Variants in LRRC49 observed in about 807,000 individuals in gnomAD.
LRRC49 encodes leucine rich repeat containing 49.
Under a neutral mutation model 83.3 loss-of-function variants are expected in LRRC49, and 50 were observed. That is an observed-to-expected ratio of 0.60 (90% CI 0.48 to 0.76). The LOEUF (loss-of-function observed/expected upper bound fraction) is 0.76. Among genes scored for constraint, LRRC49 ranks in the 30% least tolerant of loss-of-function variants. The probability of loss-of-function intolerance (pLI) is 0.00; values close to 1 mark genes in which losing one functional copy is unlikely to be tolerated. For missense variants in LRRC49, 704 were observed against 809.1 expected (o/e 0.87, Z 1.58); for synonymous variants, 286 against 283.3 (o/e 1.01, Z -0.10).
chr15:70,870,753 G>A (rs2033009367), intron 1 of LRRC49, among the ~76,000 whole-genome samples: 1 of 152,164 alleles, frequency 6.6e-6, no homozygotes, highest in Non-Finnish European at 1.5e-5. Flanking sequence ...GCCGCCCAAA[G>A]TGTTGGGATT....
chr15:70,960,683 AAAGG>A (rs1386809065), intron 8 of LRRC49, among the ~76,000 whole-genome samples: 1 of 152,210 alleles, frequency 6.6e-6, no homozygotes, highest in African/African-American at 2.4e-5. Context: ...TTCAATAGAG[AAAGG>A]ATAGTCTTTT....
At chr15:70,901,366 C>T (rs2034071590) in intron 4 of LRRC49, among the ~76,000 whole-genome samples, 1 of 152,126 alleles carries the variant, frequency 6.6e-6, no homozygotes, top group African/African-American at 2.4e-5. Context: ...TTTCCTGTTA[C>T]TTCACTGGCT....
chr15:70,882,743 T>A (rs1220837898), intron 2 of LRRC49: 21 of 1,613,962 alleles, frequency 1.3e-5, no homozygotes, highest in Non-Finnish European at 1.8e-5. Context: ...CTTAATCCAT[T>A]GAAGAGTCAA....
In LRRC49 at chr15:70,937,886, AG is replaced by A. The variant is rs529473418; in HGVS notation, c.773+1066del. 1.3e-4 allele frequency among the ~76,000 whole-genome samples: 20 copies of A among 152,254 alleles called. No individual in the cohort carries two copies. The South Asian group carries it at 4.2e-3, about 32-fold the overall frequency. On this transcript the variant is annotated intron_variant, in intron 8 of 15. Coordinates refer to ENST00000260382, the MANE Select transcript of LRRC49 (RefSeq NM_017691.5). ...TAGTATATTTTGAATGCAACATTCCAGGTGCCATTATTCTATCTTGTTGGGG... is the reference window on the plus strand; with the variant it reads ...TAGTATATTTTGAATGCAACATTCCAGTGCCATTATTCTATCTTGTTGGGG...
intron 8 of LRRC49, among the ~76,000 whole-genome samples, chr15:70,957,148 G>A (rs2036431954): frequency 6.6e-6 from 1 of 152,066 alleles, no homozygotes; most frequent in Non-Finnish European, 1.5e-5. Context: ...AATTCCATTG[G>A]CAATTATTAG....
intron 15 of LRRC49, among the ~76,000 whole-genome samples, chr15:71,038,378 C>G (rs1381171542): frequency 6.6e-6 from 1 of 152,030 alleles, no homozygotes; most frequent in African/African-American, 2.4e-5. Flanking sequence ...TAGCTGAAAA[C>G]CCAGTGTATC....
At chr15:70,891,565 CTCTGTGTGTGTG>C (rs1482397894), upstream of LRRC49, among the ~76,000 whole-genome samples, 36 of 119,068 alleles carry the variant, frequency 3.0e-4, no homozygotes, top group African/African-American at 8.6e-4. Context: ...CAGGACAAGA[CTCTGTGTGTGTG>C]TGTGTGTGTG....
At chr15:70,988,883 C>G (rs1370593599) in intron 11 of LRRC49, among the ~76,000 whole-genome samples, 4 of 152,180 alleles carry the variant, frequency 2.6e-5, no homozygotes, top group African/African-American at 9.6e-5. Flanking sequence ...TTTTATTTCT[C>G]CTTCACTTAT....
intron 8 of LRRC49, among the ~76,000 whole-genome samples, chr15:70,938,042 G>A (rs1349244775): frequency 6.6e-6 from 1 of 152,010 alleles, no homozygotes; most frequent in African/African-American, 2.4e-5. Flanking sequence ...AATATTCTCT[G>A]TTTAAGATAC....
chr15:70,876,838 G>A (rs1049815005), intron 2 of LRRC49, among the ~76,000 whole-genome samples: 1 of 152,162 alleles, frequency 6.6e-6, no homozygotes, highest in Non-Finnish European at 1.5e-5. Context: ...CTTGTGCTAT[G>A]CTCCAGATTC....
chr15:70,969,896 C>G (rs2036931803), intron 9 of LRRC49, among the ~76,000 whole-genome samples: 1 of 152,132 alleles, frequency 6.6e-6, no homozygotes, highest in Non-Finnish European at 1.5e-5. Context: ...ATGGGGTTTT[C>G]TAAATATACA....
At chr15:71,037,529 C>T (rs371632877) in intron 15 of LRRC49, among the ~76,000 whole-genome samples, 197 bp downstream of exon 15, 2 of 151,994 alleles carry the variant, frequency 1.3e-5, no homozygotes, top group African/African-American at 4.8e-5. Flanking sequence ...GCAGAAGAAC[C>T]CAGGGTTTCA....
Position 71,029,826 on chromosome 15 carries a change from C to T in LRRC49, c.1704-7353C>T, listed in dbSNP as rs147469965. 9.2e-5 allele frequency among the ~76,000 whole-genome samples: 14 copies of T among 152,248 alleles called. No homozygotes were observed. The East Asian group carries it at 2.3e-3, about 25-fold the overall frequency. On this transcript the variant is annotated intron_variant, in intron 14 of 15. Coordinates refer to ENST00000260382, the MANE Select transcript of LRRC49 (RefSeq NM_017691.5). ...TGTTGATTTAAAGTCTGTTTTATCA[C>T]AGACTAAGATTGCAACCCTTGCTTT...
intron 11 of LRRC49, among the ~76,000 whole-genome samples, chr15:70,986,045 T>A (rs1198078169): frequency 6.6e-6 from 1 of 151,858 alleles, no homozygotes; most frequent in Non-Finnish European, 1.5e-5. Context: ...TTCCTTGTAG[T>A]ATAGTTTGAA....
At position 71,045,637 on chromosome 15, in the gene LRRC49, T is replaced by A. The variant is rs573997168; in HGVS notation, c.1858-3772T>A. On this transcript the variant is annotated intron_variant, in intron 15 of 15. Transcript: ENST00000260382. ...ATAACCCAAACCCTATCAAAAAAAA[T>A]TTTATTTTTTTCACATAACATTATG... 1.3e-3 allele frequency among the ~76,000 whole-genome samples: 191 copies of A among 152,234 alleles called. 1 individual carries two copies. Among genetic ancestry groups the A allele is most frequent in the Middle Eastern group, 3.4e-3 (1 of 294 alleles).
intron 11 of LRRC49, among the ~76,000 whole-genome samples, chr15:70,999,106 C>T (rs2038173244): frequency 6.6e-6 from 1 of 152,120 alleles, no homozygotes; most frequent in Non-Finnish European, 1.5e-5. Flanking sequence ...TTAGTTATTT[C>T]AGCATATTTA....
At chr15:71,033,673 C>G (rs2039429357) in intron 14 of LRRC49, among the ~76,000 whole-genome samples, 1 of 152,146 alleles carries the variant, frequency 6.6e-6, no homozygotes, top group Non-Finnish European at 1.5e-5. Flanking sequence ...CAGCATGGTA[C>G]TGGTACCAAA....
chr15:70,980,206 T>G, intron 10 of LRRC49, 22 bp downstream of exon 10: 1 of 1,546,880 alleles, frequency 6.5e-7, no homozygotes. Flanking sequence ...GATGTCTACA[T>G]GGATGTGTGT....
intron 14 of LRRC49, among the ~76,000 whole-genome samples, chr15:71,028,475 G>A (rs2141286226): frequency 6.6e-6 from 1 of 152,186 alleles, no homozygotes; most frequent in East Asian, 1.9e-4. Context: ...GAGTTAGGGA[G>A]GAGTCCTTCT....
Sources: allele counts gnomAD v4.1 joint callset (sites outside exome capture counted in the v4.1 genomes callset), GRCh38; gene constraint gnomAD v4.1.1; transcripts MANE v1.5; gene names NCBI Gene and HGNC (gene_info 2026-07-23, HGNC 2026-07-21).